Variants in SH3GL2 observed in about 807,000 individuals in gnomAD.
The protein encoded by SH3GL2 is SH3 domain containing GRB2 like 2, endophilin A1, also known as endophilin-A1.
In SH3GL2, 24 loss-of-function variants were observed where a neutral mutation model predicts 46.0. The observed-to-expected ratio is 0.52, with a 90% CI of 0.38 to 0.73. SH3GL2 has a LOEUF of 0.73. SH3GL2 is among the 30% of genes least tolerant of loss of function. The probability of loss-of-function intolerance (pLI) is 0.00; values close to 1 mark genes in which losing one functional copy is unlikely to be tolerated. For synonymous variants in SH3GL2, 196 were observed against 147.1 expected (o/e 1.33, Z -2.40); for missense variants, 413 against 424.2 (o/e 0.97, Z 0.23).
chr9:17,653,011 G>A (rs1208304592), intron 1 of SH3GL2, among the ~76,000 whole-genome samples: 1 of 151,920 alleles, frequency 6.6e-6, no homozygotes. Context: ...TTGCTTCATG[G>A]GGTTTCTTCC....
At chr9:17,717,703 C>G (rs1821796538) in intron 1 of SH3GL2, among the ~76,000 whole-genome samples, 1 of 152,010 alleles carries the variant, frequency 6.6e-6, no homozygotes, top group Non-Finnish European at 1.5e-5. Flanking sequence ...AGAAGTATGC[C>G]AGGCATGCTG....
chr9:17,794,874 G>T (rs1163703000), intron 8 of SH3GL2, among the ~76,000 whole-genome samples: 1 of 152,174 alleles, frequency 6.6e-6, no homozygotes, highest in Non-Finnish European at 1.5e-5. Flanking sequence ...ATCTCATTTA[G>T]TAGCCACAGT....
chr9:17,708,850 T>C (rs1821543828), intron 1 of SH3GL2, among the ~76,000 whole-genome samples: 1 of 152,046 alleles, frequency 6.6e-6, no homozygotes, highest in African/African-American at 2.4e-5. Flanking sequence ...TGAGACTCTT[T>C]GTTACCATCG....
At chr9:17,605,455 T>C (rs1288553848) in intron 1 of SH3GL2, among the ~76,000 whole-genome samples, 1 of 152,082 alleles carries the variant, frequency 6.6e-6, no homozygotes, top group African/African-American at 2.4e-5. Flanking sequence ...AGCAGGTATG[T>C]ATTGAGAACC....
chr9:17,690,518 G>A (rs1247106234), intron 1 of SH3GL2, among the ~76,000 whole-genome samples: 2 of 152,048 alleles, frequency 1.3e-5, no homozygotes, highest in Non-Finnish European at 2.9e-5. Flanking sequence ...ACATCCCATA[G>A]GATCTCGCCT....
At chr9:17,624,230 C>T (rs73645103) in intron 1 of SH3GL2, among the ~76,000 whole-genome samples, 24,585 of 152,124 alleles carry the variant, frequency 0.16, 2,071 homozygotes, top group Middle Eastern at 0.23. Context: ...TTATGCCCAT[C>T]GGTGGCGATG....
chr9:17,694,917 CACACTTAGGTGAT>C (rs1821166833), intron 1 of SH3GL2, among the ~76,000 whole-genome samples: 2 of 151,898 alleles, frequency 1.3e-5, no homozygotes, highest in Non-Finnish European at 2.9e-5. Flanking sequence ...GAGGCAGTGG[CACACTTAGGTGAT>C]ACCTTGCACA....
At chr9:17,600,138 A>G (rs3808770) in intron 1 of SH3GL2, among the ~76,000 whole-genome samples, 102,151 of 152,146 alleles carry the variant, frequency 0.67, 38,710 homozygotes, top group Non-Finnish European at 0.83. Flanking sequence ...GACACAAAAA[A>G]GTACCTGGGT....
chr9:17,667,772 C>G (rs1260700612), intron 1 of SH3GL2, among the ~76,000 whole-genome samples: 1 of 152,102 alleles, frequency 6.6e-6, no homozygotes, highest in Admixed American at 6.6e-5. Flanking sequence ...ACAATTTTGG[C>G]AGTGCTTGAG....
At chr9:17,645,859 C>T (rs1369867435) in intron 1 of SH3GL2, among the ~76,000 whole-genome samples, 4 of 152,056 alleles carry the variant, frequency 2.6e-5, no homozygotes, top group African/African-American at 9.7e-5. Flanking sequence ...CTTGGGGTTG[C>T]TCTTCTTGAG....
intron 2 of SH3GL2, among the ~76,000 whole-genome samples, chr9:17,754,910 A>G (rs1022953416): frequency 3.5e-4 from 53 of 152,236 alleles, no homozygotes; most frequent in Admixed American, 4.6e-4. Context: ...TTTTCTGGAC[A>G]TAGGATCATG....
rs1260071120 is a variant in SH3GL2, at chr9:17,761,482, A to G, written c.160A>G (p.Thr54Ala). ...GGCTGTGATGGAAATAATGACTAAA[A>G]CAATTGAATACCTTCAACCCAATCC... ...SRAVMEIMTK[T>A]IEYLQPNPAS... Residue 54 changes from threonine to alanine, a missense_variant, in exon 3 of 9, where the codon ACA becomes GCA. Coordinates refer to ENST00000380607, the MANE Select transcript of SH3GL2 (RefSeq NM_003026.5). The G allele has an allele frequency of 6.2e-7, 1 of 1,604,666 alleles. No individual in the cohort carries two copies. The highest frequency in any genetic ancestry group is 8.5e-7 in the Non-Finnish European group (1 of 1,171,360).
intron 1 of SH3GL2, chr9:17,653,745 A>G (rs1439558955): frequency 2.7e-5 from 6 of 221,630 alleles, no homozygotes; most frequent in Non-Finnish European, 3.8e-5. Flanking sequence ...GAGGAACTTA[A>G]CTTTTACATG....
At position 17,744,558 on chromosome 9, in the gene SH3GL2, A is replaced by T. The variant is rs180801038; in HGVS notation, c.46-2508A>T. Among the ~76,000 whole-genome samples, 1,280 of 152,030 alleles carry T rather than the reference A, an allele frequency of 8.4e-3. 18 individuals are homozygous for T. The highest frequency in any genetic ancestry group is 0.029 in the African/African-American group (1,198 of 41,464). On this transcript the variant is annotated intron_variant, in intron 1 of 8. Transcript: ENST00000380607. ...TTTATTTTTATTTTTGTAGAGACAG[A>T]GTCTTACTACGTTGCCCAGGCTGGT...
intron 2 of SH3GL2, among the ~76,000 whole-genome samples, chr9:17,760,766 A>T (rs1466836952): frequency 6.6e-6 from 1 of 152,164 alleles, no homozygotes; most frequent in Non-Finnish European, 1.5e-5. Flanking sequence ...TTCTTGGAGA[A>T]AGACAGAGAG....
intron 1 of SH3GL2, among the ~76,000 whole-genome samples, chr9:17,728,584 G>A (rs1159984951): frequency 2.0e-5 from 3 of 152,066 alleles, no homozygotes; most frequent in Non-Finnish European, 4.4e-5. Flanking sequence ...CCATCAGCCT[G>A]TCATCTACAT....
intron 1 of SH3GL2, among the ~76,000 whole-genome samples, chr9:17,708,148 C>G (rs978629003): frequency 1.1e-4 from 17 of 151,972 alleles, no homozygotes; most frequent in Admixed American, 2.6e-4. Flanking sequence ...TGGACTGTTC[C>G]CAAGGTCTTG....
rs926916673 is a variant in SH3GL2, at chr9:17,720,983, C to T, written c.46-26083C>T. Among the ~76,000 whole-genome samples, 3 of 152,076 alleles carry T rather than the reference C, an allele frequency of 2.0e-5. No homozygotes were observed. In the East Asian group the frequency reaches 5.8e-4, roughly 29 times the overall value. On this transcript the variant is annotated intron_variant, in intron 1 of 8. Transcript: ENST00000380607. ...GTGGAGCAGGGTACGACTTGTGGCA[C>T]ATAAGACATGGGAAGCCTTATAGAC...
intron 1 of SH3GL2, among the ~76,000 whole-genome samples, chr9:17,609,919 T>C (rs1818828950): frequency 1.3e-5 from 2 of 152,174 alleles, no homozygotes; most frequent in Admixed American, 6.5e-5. Context: ...CCTAGAGAGC[T>C]CCAGACACAC....
Sources: allele counts gnomAD v4.1 joint callset (sites outside exome capture counted in the v4.1 genomes callset), GRCh38; gene constraint gnomAD v4.1.1; transcripts MANE v1.5; gene names NCBI Gene and HGNC (gene_info 2026-07-23, HGNC 2026-07-21).